MALRD1: variants seen among roughly 807,000 people sequenced by gnomAD.
MALRD1 encodes MAM and LDL-receptor class A domain-containing protein 1.
In MALRD1, 247 loss-of-function variants were observed where a neutral mutation model predicts 242.1. The ratio of observed to expected loss-of-function variants is 1.02; its 90% CI spans 0.92 to 1.13. The LOEUF is 1.13. Ranked by LOEUF, MALRD1 falls within the 50% of genes most tolerant of loss-of-function variation. MALRD1 has a pLI of 0.00. For synonymous variants in MALRD1, 995 were observed against 866.6 expected, an observed-to-expected ratio of 1.15 and a Z score of -2.60; for missense variants, 2,989 against 2,533.1, an observed-to-expected ratio of 1.18 and a Z score of -3.86.
intron 38 of MALRD1, among the ~76,000 whole-genome samples, chr10:19,725,692 A>G (rs1452769401): frequency 6.6e-6 from 1 of 152,194 alleles, no homozygotes; most frequent in Admixed American, 6.5e-5. Flanking sequence ...TTACTACAAA[A>G]GTACAGTAAA....
intron 11 of MALRD1, 138 bp from the exon 12 acceptor site, chr10:19,154,937 C>A (rs1564427353): frequency 2.4e-6 from 1 of 414,506 alleles, no homozygotes; most frequent in Non-Finnish European, 4.1e-6. Context: ...TATCTACAAA[C>A]CATAATAGTA....
chr10:19,413,303 A>G (rs1833358337), intron 28 of MALRD1, among the ~76,000 whole-genome samples: 1 of 152,134 alleles, frequency 6.6e-6, no homozygotes, highest in Non-Finnish European at 1.5e-5. Flanking sequence ...TTAACTTTTT[A>G]TCATCTTGCA....
At chr10:19,508,269 A>G (rs866821076) in intron 31 of MALRD1, among the ~76,000 whole-genome samples, 15 of 152,188 alleles carry the variant, frequency 9.9e-5, no homozygotes, top group Non-Finnish European at 1.3e-4. Flanking sequence ...TTCAAACACA[A>G]TGTGAAATTT....
Position 19,231,249 on chromosome 10 carries a change from G to T in MALRD1, c.2991+21569G>T, listed in dbSNP as rs148819532. Among the ~76,000 whole-genome samples the T allele has an allele frequency of 4.5e-3, 685 of 152,238 alleles. 8 individuals carry two copies. The highest frequency in any genetic ancestry group is 0.019 in the East Asian group (101 of 5,180). On this transcript the variant is annotated intron_variant, in intron 18 of 39. Coordinates refer to ENST00000454679, the MANE Select transcript of MALRD1 (RefSeq NM_001142308.3). ...CAGCTCCCCCTTGAGATTAGCTGAG[G>T]TATTTGTTGTGACTGCCTCACATCT...
chr10:19,292,980 G>A (rs1490425508), intron 21 of MALRD1, among the ~76,000 whole-genome samples: 1 of 150,914 alleles, frequency 6.6e-6, no homozygotes, highest in Admixed American at 6.6e-5. Flanking sequence ...GGATATGAAT[G>A]TGGATAAAAG....
At chr10:19,673,987 A>T (rs1325787407) in intron 36 of MALRD1, among the ~76,000 whole-genome samples, 7 of 152,128 alleles carry the variant, frequency 4.6e-5, no homozygotes, top group African/African-American at 1.7e-4. Context: ...AAAGAGAATT[A>T]GGGCAAGCAT....
intron 4 of MALRD1, among the ~76,000 whole-genome samples, chr10:19,097,307 T>C (rs762575632): frequency 5.3e-5 from 8 of 152,308 alleles, no homozygotes; most frequent in Admixed American, 2.0e-4. Flanking sequence ...GTTTTTATTA[T>C]GTTAAAGCAT....
rs1351452981 is a variant in MALRD1, at chr10:19,504,706, C to T, written c.5320+6060C>T. Among the ~76,000 whole-genome samples the T allele has an allele frequency of 6.3e-4, 71 of 112,802 alleles. 1 individual carries two copies. The highest frequency in any genetic ancestry group is 2.1e-3 in the African/African-American group (57 of 27,600). The allele number at this position is 112,802 out of a possible 152,430, so 74.0% of individuals were successfully genotyped here. A position where few individuals can be genotyped will look rare whatever the true frequency, so the allele number is the denominator to read the frequency against. On this transcript the variant is annotated intron_variant, in intron 31 of 39. Coordinates refer to ENST00000454679, the MANE Select transcript of MALRD1 (RefSeq NM_001142308.3). ...TTTTTTTTTTTTTGAGACGGAGTCT[C>T]GCTCTGTCGCCCAGGCCGGACTGCG...
At position 19,155,111 on chromosome 10, in the gene MALRD1, G is replaced by A; in HGVS notation, c.1595G>A (p.Gly532Glu). 8.1e-7 allele frequency: 1 copy of A among 1,231,532 alleles called. No individual in the cohort carries two copies. The highest frequency in any genetic ancestry group is 1.0e-6 in the Non-Finnish European group (1 of 987,896). 76.3% of individuals were successfully genotyped at this position (1,231,532 alleles called of 1,614,324 possible). Residue 532 changes from glycine (G) to glutamate (E), a missense_variant, in exon 12 of 40, where the codon GGG (glycine) becomes GAG (glutamate). Physicochemically the swap from Gly to Glu is moderately conservative, Grantham distance 98. Transcript: ENST00000454679. ...FIYLEAQRSPGVAKLGSPVLT... is the reference protein window; with the variant it reads ...FIYLEAQRSPEVAKLGSPVLT... ...TATTTGGAGGCACAGCGCTCCCCCG[G>A]GGTGGCCAAGCTTGGAAGTCCTGTT...
intron 34 of MALRD1, among the ~76,000 whole-genome samples, chr10:19,600,467 T>C (rs536917313): frequency 6.6e-6 from 1 of 152,318 alleles, no homozygotes; most frequent in East Asian, 1.9e-4. Flanking sequence ...TAAGGTATTT[T>C]AATAAGAGTA....
At chr10:19,580,653 C>G (rs1203005454) in intron 33 of MALRD1, among the ~76,000 whole-genome samples, 3 of 152,112 alleles carry the variant, frequency 2.0e-5, no homozygotes, top group Admixed American at 1.3e-4. Context: ...TTTTTTCCAG[C>G]TCCCTCTTAT....
chr10:19,100,146 T>C (rs2044802323), intron 4 of MALRD1, among the ~76,000 whole-genome samples: 2 of 152,182 alleles, frequency 1.3e-5, no homozygotes, highest in African/African-American at 4.8e-5. Flanking sequence ...GTCAACTCTT[T>C]TCATTTAAAT....
intron 5 of MALRD1, among the ~76,000 whole-genome samples, chr10:19,105,682 A>G (rs551595845): frequency 6.6e-6 from 1 of 151,960 alleles, no homozygotes; most frequent in African/African-American, 2.4e-5. Flanking sequence ...CCACATCCGA[A>G]CCAGCATTTA....
chr10:19,538,420 C>T (rs58932325), intron 32 of MALRD1, among the ~76,000 whole-genome samples: 6,733 of 152,188 alleles, frequency 0.044, 481 homozygotes, highest in African/African-American at 0.15. Context: ...TTACAAAGAT[C>T]AGTTTCTTTC....
intron 2 of MALRD1, among the ~76,000 whole-genome samples, chr10:19,069,337 A>C (rs1301598319): frequency 6.6e-6 from 1 of 151,974 alleles, no homozygotes; most frequent in South Asian, 2.1e-4. Context: ...CGATATTTTT[A>C]TTTTGTTCTA....
intron 10 of MALRD1, among the ~76,000 whole-genome samples, chr10:19,142,171 CAAAAAAAAAAAAAAAAA>C (rs529000033): frequency 3.8e-5 from 1 of 26,268 alleles, no homozygotes; most frequent in Non-Finnish European, 6.6e-5. Context: ...GACTCTAACT[CAAAAAAAAAAAAAAAAA>C]AAAAAAAAAG....
chr10:19,243,063 C>CTTTT (rs369350269), intron 18 of MALRD1, among the ~76,000 whole-genome samples: 30 of 135,944 alleles, frequency 2.2e-4, no homozygotes, highest in Non-Finnish European at 2.7e-4. Flanking sequence ...TTTCTTTTCC[C>CTTTT]TTTTTTTTTT....
intron 18 of MALRD1, among the ~76,000 whole-genome samples, chr10:19,212,592 C>G (rs1837118043): frequency 1.3e-5 from 2 of 152,210 alleles, no homozygotes. Flanking sequence ...ACTTTTATCT[C>G]TCTTGGGTAA....
At chr10:19,666,350 G>A (rs1174675931) in intron 36 of MALRD1, among the ~76,000 whole-genome samples, 1 of 152,032 alleles carries the variant, frequency 6.6e-6, no homozygotes, top group Non-Finnish European at 1.5e-5. Context: ...TCTGGACGTT[G>A]TCATCACCTA....
Sources: allele counts gnomAD v4.1 joint callset (sites outside exome capture counted in the v4.1 genomes callset), GRCh38; gene constraint gnomAD v4.1.1; transcripts MANE v1.5; gene names NCBI Gene and HGNC (gene_info 2026-07-23, HGNC 2026-07-21).